Variants in OBP2B observed in about 807,000 individuals in gnomAD.
The protein encoded by OBP2B is odorant binding protein 2B, also known as odorant-binding protein 2b.
In OBP2B, 10 loss-of-function variants were observed where a neutral mutation model predicts 21.7. The observed-to-expected ratio is 0.46, with a 90% CI of 0.28 to 0.78. OBP2B has a LOEUF of 0.78. Among genes scored for constraint, OBP2B ranks in the 30% least tolerant of loss-of-function variants. The pLI is 0.11. For missense variants in OBP2B, 153 were observed against 217.7 expected, an observed-to-expected ratio of 0.70 and a Z score of 1.87; for synonymous variants, 73 against 91.5, an observed-to-expected ratio of 0.80 and a Z score of 1.16.
At chr9:133,221,002 C>T in the OBP2B span, among the ~76,000 whole-genome samples, 7 of 152,214 alleles carry the variant, frequency 4.6e-5, no homozygotes, top group African/African-American at 1.7e-4. Flanking sequence ...GCCCAAGAGC[C>T]TCCAGAAGGA....
the OBP2B span, among the ~76,000 whole-genome samples, chr9:133,222,290 G>C: frequency 6.6e-6 from 1 of 152,242 alleles, no homozygotes; most frequent in African/African-American, 2.4e-5. Flanking sequence ...GCTTGCCTGA[G>C]AGCTCGGCAC....
chr9:133,205,558 G>T, intron 6 of OBP2B, 147 bp from the exon 7 acceptor site: 2 of 624,462 alleles, frequency 3.2e-6, no homozygotes, highest in East Asian at 2.8e-5. Flanking sequence ...CTCCTCCAAT[G>T]ACTGGGCAGG....
At chr9:133,222,117 C>A in the OBP2B span, among the ~76,000 whole-genome samples, 989 of 151,922 alleles carry the variant, frequency 6.5e-3, 12 homozygotes, top group African/African-American at 0.022. Flanking sequence ...TGTGTCAGTG[C>A]GTATGTGCTG....
intron 6 of OBP2B, 50 bp downstream of exon 6, chr9:133,205,867 G>A (rs782059257): frequency 6.2e-7 from 1 of 1,613,674 alleles, no homozygotes; most frequent in East Asian, 2.2e-5. Context: ...TCGAACCCCG[G>A]GAACCCAGGA....
chr9:133,210,625 C>A (rs1388047956), upstream of OBP2B, among the ~76,000 whole-genome samples: 2 of 152,226 alleles, frequency 1.3e-5, no homozygotes, highest in African/African-American at 4.8e-5. Flanking sequence ...GATCTAAGCA[C>A]CTTACAACAC....
intron 4 of OBP2B, 83 bp from the exon 5 acceptor site, chr9:133,206,499 C>A: frequency 6.4e-7 from 1 of 1,562,926 alleles, no homozygotes; most frequent in Non-Finnish European, 8.8e-7. Context: ...GAGACGACCA[C>A]GGCCCAGCAC....
the OBP2B span, among the ~76,000 whole-genome samples, chr9:133,222,121 T>C: frequency 6.6e-6 from 1 of 151,834 alleles, no homozygotes; most frequent in Non-Finnish European, 1.5e-5. Flanking sequence ...TCAGTGCGTA[T>C]GTGCTGAGTG....
intron 3 of OBP2B, 45 bp from the exon 4 acceptor site, chr9:133,207,381 G>T: frequency 1.6e-6 from 2 of 1,275,742 alleles, no homozygotes; most frequent in African/African-American, 1.5e-5. Context: ...GAGAACACTC[G>T]GGGCCACATG....
At position 133,206,532 on chromosome 9, in the gene OBP2B, G is replaced by A. The variant is rs1185466349; in HGVS notation, c.389-116C>T. On this transcript the variant is annotated intron_variant, in intron 4 of 6. Transcript: ENST00000372034. ...CACCAGGACAGGGGGAGAGGCCTGA[G>A]AGTGGATCAGAGCTCGGGGGTGGGG... 3.8e-6 allele frequency: 5 copies of A among 1,330,460 alleles called. No homozygotes were observed. In the African/African-American group the frequency reaches 4.4e-5, roughly 12 times the overall value. The allele number at this position is 1,330,460 out of a possible 1,614,324, so 82.4% of individuals were successfully genotyped here.
At chr9:133,212,808 G>A (rs1833930474), upstream of OBP2B, among the ~76,000 whole-genome samples, 2 of 152,138 alleles carry the variant, frequency 1.3e-5, no homozygotes, top group Non-Finnish European at 2.9e-5. Context: ...GTGCACGCCT[G>A]TAATCCCAGC....
chr9:133,213,108 C>T (rs1471447751), upstream of OBP2B, among the ~76,000 whole-genome samples: 21 of 151,562 alleles, frequency 1.4e-4, no homozygotes, highest in African/African-American at 4.8e-4. Context: ...GGCATGGTGG[C>T]GTATACCTGT....
Position 133,207,356 on chromosome 9 carries a change from T to C in OBP2B, c.278-20A>G. On this transcript the variant is annotated intron_variant, in intron 3 of 6. Coordinates refer to ENST00000372034, the MANE Select transcript of OBP2B (RefSeq NM_014581.4). ...CCCCATCTGTAGATGACAGAGAAAA[T>C]GGGTCATTCCCAGAGAGAACACTCG... The C allele has an allele frequency of 6.6e-7, 1 of 1,515,780 alleles. No individual in the cohort carries two copies. The highest frequency in any genetic ancestry group is 9.2e-7 in the Non-Finnish European group (1 of 1,092,030). The allele number at this position is 1,515,780 out of a possible 1,614,324, so 93.9% of individuals were successfully genotyped here. A position where few individuals can be genotyped will look rare whatever the true frequency, so the allele number is the denominator to read the frequency against.
intron 3 of OBP2B, 81 bp from the exon 4 acceptor site, chr9:133,207,417 G>A (rs868989522): frequency 1.7e-5 from 16 of 955,600 alleles, no homozygotes; most frequent in East Asian, 1.0e-4. Flanking sequence ...ATGTTTCAGC[G>A]GTCACCCAGG....
the OBP2B span, among the ~76,000 whole-genome samples, chr9:133,220,731 G>C: frequency 6.6e-6 from 1 of 152,166 alleles, no homozygotes; most frequent in African/African-American, 2.4e-5. Context: ...ATGGTAAAAC[G>C]GACTTCACAG....
intron 3 of OBP2B, among the ~76,000 whole-genome samples, chr9:133,207,547 C>T (rs1423118161): frequency 3.9e-5 from 6 of 152,158 alleles, no homozygotes; most frequent in African/African-American, 7.2e-5. Flanking sequence ...GGCCAGAGCA[C>T]GTCCAGGACT....
chr9:133,222,778 T>C, the OBP2B span, among the ~76,000 whole-genome samples: 1 of 152,010 alleles, frequency 6.6e-6, no homozygotes, highest in Non-Finnish European at 1.5e-5. Context: ...TCCTTAGAAA[T>C]GTGACCTTCA....
upstream of OBP2B, among the ~76,000 whole-genome samples, chr9:133,213,154 T>C (rs1833936088): frequency 2.7e-5 from 4 of 150,896 alleles, no homozygotes; most frequent in South Asian, 8.4e-4. Flanking sequence ...GCAGGAGAAT[T>C]ACTTCAACCC....
the OBP2B span, among the ~76,000 whole-genome samples, chr9:133,217,850 C>G: frequency 6.6e-6 from 1 of 152,332 alleles, no homozygotes; most frequent in South Asian, 2.1e-4. Flanking sequence ...GGATCCCCAC[C>G]CCTGTTTATT....
At chr9:133,205,652 T>C in intron 6 of OBP2B, 1 of 611,404 alleles carries the variant, frequency 1.6e-6, no homozygotes. Flanking sequence ...AGCTGACACC[T>C]GAGGGAGCCG....
Sources: allele counts gnomAD v4.1 joint callset (sites outside exome capture counted in the v4.1 genomes callset), GRCh38; gene constraint gnomAD v4.1.1; transcripts MANE v1.5; gene names NCBI Gene and HGNC (gene_info 2026-07-23, HGNC 2026-07-21).